The following ASIC2 variants were observed in gnomAD, a reference collection of about 807,000 sequenced individuals.
The protein encoded by ASIC2 is acid sensing ion channel subunit 2.
In ASIC2, 25 loss-of-function variants were observed where a neutral mutation model predicts 57.3. The ratio of observed to expected loss-of-function variants is 0.44; its 90% CI spans 0.32 to 0.61. The LOEUF (loss-of-function observed/expected upper bound fraction) is 0.61, where lower values mean the gene tolerates loss of function less well. Ranked by LOEUF, ASIC2 falls within the 20% of genes least tolerant of loss-of-function variation. The probability of loss-of-function intolerance (pLI) is 0.06; values close to 1 mark genes in which losing one functional copy is unlikely to be tolerated. For synonymous variants in ASIC2, 319 were observed against 307.5 expected (o/e 1.04, Z -0.39); for missense variants, 641 against 738.1 (o/e 0.87, Z 1.52).
intron 1 of ASIC2, among the ~76,000 whole-genome samples, chr17:33,771,699 A>T (rs1331034482): frequency 1.3e-5 from 2 of 152,142 alleles, no homozygotes; most frequent in Non-Finnish European, 2.9e-5. Context: ...AGCATTAGAG[A>T]TCACTCGTGT....
intron 1 of ASIC2, among the ~76,000 whole-genome samples, chr17:33,225,679 A>G (rs11656241): frequency 0.14 from 20,964 of 152,196 alleles, 1,504 homozygotes; most frequent in Middle Eastern, 0.24. Flanking sequence ...AGATCAGTAC[A>G]GCTCTGAGCA....
At chr17:33,734,244 T>G (rs1909841261) in intron 1 of ASIC2, among the ~76,000 whole-genome samples, 1 of 150,470 alleles carries the variant, frequency 6.6e-6, no homozygotes, top group African/African-American at 2.5e-5. Context: ...AGCCCTTCCC[T>G]CCTGTGTTCC....
At chr17:34,037,907 C>T in intron 1 of ASIC2, 2 of 1,613,830 alleles carry the variant, frequency 1.2e-6, no homozygotes, top group Non-Finnish European at 8.5e-7. Context: ...AAAAGGCTTC[C>T]TTCCATAAAG....
chr17:33,634,957 A>G (rs1906308115), intron 1 of ASIC2: 2 of 152,192 alleles, frequency 1.3e-5, no homozygotes, highest in South Asian at 4.1e-4. Context: ...ACTTTGGCAA[A>G]TAGTGATTAT....
At chr17:33,634,055 C>T (rs1906265334) in intron 1 of ASIC2, among the ~76,000 whole-genome samples, 1 of 152,220 alleles carries the variant, frequency 6.6e-6, no homozygotes, top group East Asian at 1.9e-4. Flanking sequence ...TAGACCACAG[C>T]TTGAACTCCC....
At chr17:33,671,637 A>G (rs538515943) in intron 1 of ASIC2, among the ~76,000 whole-genome samples, 3 of 152,348 alleles carry the variant, frequency 2.0e-5, no homozygotes, top group Admixed American at 2.0e-4. Flanking sequence ...GCCTGCGTGG[A>G]CATCCACTTG....
chr17:33,182,202 G>A (rs541608478), intron 1 of ASIC2, among the ~76,000 whole-genome samples: 1 of 152,270 alleles, frequency 6.6e-6, no homozygotes, highest in African/African-American at 2.4e-5. Flanking sequence ...AGTGGTCAGT[G>A]AACATTTGGA....
At chr17:33,390,167 G>A (rs1909839176) in intron 1 of ASIC2, among the ~76,000 whole-genome samples, 1 of 152,036 alleles carries the variant, frequency 6.6e-6, no homozygotes, top group South Asian at 2.1e-4. Context: ...ACAAAAATTA[G>A]CCAGGTGTGG....
At chr17:33,323,817 A>G in intron 1 of ASIC2, among the ~76,000 whole-genome samples, 1 of 151,810 alleles carries the variant, frequency 6.6e-6, no homozygotes, top group African/African-American at 2.4e-5. Flanking sequence ...AAGCTGATCT[A>G]TGCTATTATA....
intron 1 of ASIC2, among the ~76,000 whole-genome samples, chr17:33,773,170 T>C (rs1336747927): frequency 1.3e-5 from 2 of 152,194 alleles, no homozygotes; most frequent in Admixed American, 6.5e-5. Flanking sequence ...TTAAACTGCA[T>C]AGGGATTGAA....
At chr17:33,405,777 G>A (rs1402076291) in intron 1 of ASIC2, among the ~76,000 whole-genome samples, 1 of 151,840 alleles carries the variant, frequency 6.6e-6, no homozygotes, top group Non-Finnish European at 1.5e-5. Context: ...CCACCACACC[G>A]GGCCAAGACA....
intron 1 of ASIC2, among the ~76,000 whole-genome samples, chr17:33,569,904 C>T (rs1454651757): frequency 1.3e-5 from 2 of 152,184 alleles, no homozygotes; most frequent in Admixed American, 6.5e-5. Context: ...ATTTCCTGAT[C>T]ATATCTATAT....
At chr17:33,575,666 GA>G (rs1032804251) in intron 1 of ASIC2, among the ~76,000 whole-genome samples, 14 of 152,190 alleles carry the variant, frequency 9.2e-5, no homozygotes, top group Admixed American at 2.6e-4. Flanking sequence ...GGGGCTCCCA[GA>G]AATCACAGGA....
At chr17:33,145,958 C>T (rs1043377556) in intron 1 of ASIC2, among the ~76,000 whole-genome samples, 1 of 152,206 alleles carries the variant, frequency 6.6e-6, no homozygotes, top group Non-Finnish European at 1.5e-5. Context: ...AGAGACATGG[C>T]CAGTGGAGAT....
intron 1 of ASIC2, among the ~76,000 whole-genome samples, chr17:33,896,018 T>C (rs1488694774): frequency 1.3e-5 from 2 of 151,952 alleles, no homozygotes; most frequent in South Asian, 2.1e-4. Flanking sequence ...TAAAAAAAAA[T>C]GTAAAGCACT....
chr17:33,223,974 T>C (rs1449114207), intron 1 of ASIC2, among the ~76,000 whole-genome samples: 2 of 152,168 alleles, frequency 1.3e-5, no homozygotes, highest in East Asian at 3.8e-4. Flanking sequence ...GCACATGACA[T>C]TAGAAAGGAC....
intron 1 of ASIC2, among the ~76,000 whole-genome samples, chr17:33,808,491 A>G (rs185656636): frequency 3.9e-5 from 6 of 152,242 alleles, no homozygotes; most frequent in East Asian, 1.9e-4. Flanking sequence ...CTCCCTCAAT[A>G]TTGTGTTGGC....
At chr17:33,758,656 A>T (rs1910685598) in intron 1 of ASIC2, among the ~76,000 whole-genome samples, 1 of 152,074 alleles carries the variant, frequency 6.6e-6, no homozygotes, top group Non-Finnish European at 1.5e-5. Context: ...GTTATCATGG[A>T]GGGGGAGCTG....
At chr17:34,133,555 G>A (rs7210501) in intron 1 of ASIC2, among the ~76,000 whole-genome samples, 22,106 of 152,228 alleles carry the variant, frequency 0.15, 2,052 homozygotes, top group African/African-American at 0.26. Flanking sequence ...CACAGGCCAG[G>A]GTACCAGTGA....
Sources: gnomAD v4.1 joint callset for allele counts (sites outside exome capture counted in the v4.1 genomes callset) on GRCh38, gnomAD v4.1.1 for gene constraint, MANE v1.5 for transcripts, NCBI Gene and HGNC (gene_info 2026-07-23, HGNC 2026-07-21) for gene names.